The following PCDHA3 variants were observed in gnomAD, a reference collection of about 807,000 sequenced individuals.
The protein encoded by PCDHA3 is protocadherin alpha 3.
In PCDHA3, 41 loss-of-function variants were observed where a neutral mutation model predicts 62.2. The ratio of observed to expected loss-of-function variants is 0.66; its 90% CI spans 0.51 to 0.86. The LOEUF (loss-of-function observed/expected upper bound fraction) is 0.86. PCDHA3 is among the 40% of genes least tolerant of loss of function. The probability of loss-of-function intolerance (pLI) is 0.00; values close to 1 mark genes in which losing one functional copy is unlikely to be tolerated. For synonymous variants in PCDHA3, 640 were observed against 555.4 expected (o/e 1.15, Z -2.14); for missense variants, 1,304 against 1,241.2 (o/e 1.05, Z -0.76).
intron 1 of PCDHA3, chr5:140,817,369 G>C (rs2150097820): frequency 6.6e-6 from 1 of 152,148 alleles, no homozygotes; most frequent in Non-Finnish European, 1.5e-5. Context: ...AACTGGTTTC[G>C]GCACTTATCA....
At chr5:140,982,237 G>T (rs2096973071) in intron 2 of PCDHA3, 1 of 665,404 alleles carries the variant, frequency 1.5e-6, no homozygotes, top group East Asian at 3.5e-5. Context: ...AAACAGAATT[G>T]CCATAAAGAT....
chr5:140,857,032 T>C, intron 1 of PCDHA3: 2 of 1,595,838 alleles, frequency 1.3e-6, no homozygotes, highest in Non-Finnish European at 1.7e-6. Context: ...GAAACCCACC[T>C]ATGGTTGGTC....
intron 1 of PCDHA3, among the ~76,000 whole-genome samples, chr5:140,955,267 T>C (rs1189039296): frequency 6.6e-6 from 1 of 152,140 alleles, no homozygotes; most frequent in Non-Finnish European, 1.5e-5. Context: ...AGGCTCTTTT[T>C]TGGTTCCATA....
chr5:140,877,840 G>A, intron 1 of PCDHA3: 1 of 1,580,394 alleles, frequency 6.3e-7, no homozygotes, highest in South Asian at 1.2e-5. Context: ...TCCCAGTGAA[G>A]TAAGTTATTA....
chr5:140,877,162 G>T (rs782642663), intron 1 of PCDHA3: 3 of 1,613,832 alleles, frequency 1.9e-6, no homozygotes, highest in Non-Finnish European at 1.7e-6. Context: ...CAACGCGCCG[G>T]CACTGCTGGC....
chr5:140,871,208 C>A (rs782698436), intron 1 of PCDHA3: 1 of 1,613,802 alleles, frequency 6.2e-7, no homozygotes, highest in Non-Finnish European at 8.5e-7. Context: ...CTGATCATCG[C>A]CATCTGCGTG....
chr5:140,992,757 G>A (rs1345373474), intron 3 of PCDHA3, among the ~76,000 whole-genome samples: 2 of 152,110 alleles, frequency 1.3e-5, no homozygotes, highest in Non-Finnish European at 2.9e-5. Context: ...CCTGTGTTGG[G>A]GATAGGAGGG....
rs782516369 is a variant in PCDHA3 at position 140,857,545 on chromosome 5, C to T, written c.2394+53954C>T. The T allele has an allele frequency of 1.9e-6, 3 of 1,596,810 alleles. 1 individual carries two copies. The highest frequency in any genetic ancestry group is 1.1e-5 in the South Asian group (1 of 90,486). On this transcript the variant is annotated intron_variant, in intron 1 of 3. Transcript: ENST00000522353. ...ACTCTCTGGTGGAGCGGCGGTTGGGCGAGCGCTCGCTGTCGAGCTACGTGT... is the reference window on the plus strand; with the variant it reads ...ACTCTCTGGTGGAGCGGCGGTTGGGTGAGCGCTCGCTGTCGAGCTACGTGT...
At position 140,869,859 on chromosome 5, in the gene PCDHA3, G is replaced by A. The variant is rs1368092611; in HGVS notation, c.2394+66268G>A. 4 of 1,610,412 alleles carry A rather than the reference G, an allele frequency of 2.5e-6. No homozygotes were observed. In the East Asian group the frequency reaches 8.9e-5, roughly 36 times the overall value. The stretch of plus-strand genomic sequence containing the variant: ...AATCAGAATATAAGGTGAGCCTTAT[G>A]GAAAATGCTGCTAAAGAAACTCTTG... On this transcript the variant is annotated intron_variant, in intron 1 of 3. Coordinates refer to ENST00000522353, the MANE Select transcript of PCDHA3 (RefSeq NM_018906.3).
chr5:140,915,205 C>G (rs1554196797), intron 1 of PCDHA3, among the ~76,000 whole-genome samples: 1 of 152,076 alleles, frequency 6.6e-6, no homozygotes, highest in Non-Finnish European at 1.5e-5. Flanking sequence ...TCTTGGCCTC[C>G]CAAAGTGCTG....
At chr5:140,943,157 C>T (rs2093427609) in intron 1 of PCDHA3, among the ~76,000 whole-genome samples, 1 of 148,876 alleles carries the variant, frequency 6.7e-6, no homozygotes, top group South Asian at 2.1e-4. Context: ...ACTCTGGAGG[C>T]TGAGGCAGGA....
intron 3 of PCDHA3, among the ~76,000 whole-genome samples, chr5:140,990,165 G>A (rs2097378132): frequency 6.6e-6 from 1 of 152,126 alleles, no homozygotes; most frequent in African/African-American, 2.4e-5. Flanking sequence ...GTTAGGGTAT[G>A]AAAAGGTGAC....
At chr5:140,995,698 G>A (rs963042409) in intron 3 of PCDHA3, among the ~76,000 whole-genome samples, 2 of 152,104 alleles carry the variant, frequency 1.3e-5, no homozygotes, top group African/African-American at 2.4e-5. Flanking sequence ...TTAAATAAAG[G>A]GCTGGGCTTG....
chr5:140,857,783 C>T lies in PCDHA3; in HGVS notation c.2394+54192C>T, dbSNP rs782463412. 1.5e-5 allele frequency: 24 copies of T among 1,597,710 alleles called. No individual in the cohort carries two copies. The East Asian group carries it at 4.7e-4, about 31-fold the overall frequency. ...CAGCGCGGGCGGTGCAGTCAGTGAG[C>T]TGGTGCTGCGGTCGGTGGTTGCGGG... is the stretch of plus-strand genomic sequence containing the variant. On this transcript the variant is annotated intron_variant, in intron 1 of 3. Transcript: ENST00000522353.
chr5:140,829,777 G>T (rs1554132235), intron 1 of PCDHA3: 4 of 1,613,626 alleles, frequency 2.5e-6, no homozygotes, highest in African/African-American at 1.3e-5. Context: ...ACGACAACGC[G>T]CCGGCGCTGC....
At chr5:140,849,015 C>T (rs2040740928) in intron 1 of PCDHA3, 1 of 1,588,546 alleles carries the variant, frequency 6.3e-7, no homozygotes, top group Admixed American at 1.7e-5. Flanking sequence ...CAGACTGAGC[C>T]CCAATGAGTA....
At chr5:140,835,950 T>C (rs2150248935) in intron 1 of PCDHA3, 44 of 1,612,684 alleles carry the variant, frequency 2.7e-5, no homozygotes, top group Middle Eastern at 3.6e-4. Context: ...GCTGCAGCCG[T>C]TGGACCACGA....
intron 1 of PCDHA3, chr5:140,842,302 T>C: frequency 6.2e-7 from 1 of 1,609,920 alleles, no homozygotes; most frequent in Middle Eastern, 1.7e-4. Context: ...ACAAAGGCCA[T>C]CCTCCCATGG....
chr5:140,824,167 T>A, intron 1 of PCDHA3: 1 of 1,610,732 alleles, frequency 6.2e-7, no homozygotes, highest in Non-Finnish European at 8.5e-7. Context: ...TCCCTCCCAA[T>A]TTTCAAATAT....
Sources: gnomAD v4.1 joint callset for allele counts (sites outside exome capture counted in the v4.1 genomes callset) on GRCh38, gnomAD v4.1.1 for gene constraint, MANE v1.5 for transcripts, NCBI Gene and HGNC (gene_info 2026-07-23, HGNC 2026-07-21) for gene names.